CYP7B1: variants seen among roughly 807,000 people sequenced by gnomAD.
CYP7B1 encodes cytochrome P450 family 7 subfamily B member 1.
In CYP7B1, 29 loss-of-function variants were observed where a neutral mutation model predicts 42.7. That is an observed-to-expected ratio of 0.68 (90% confidence interval 0.51 to 0.93). The LOEUF (loss-of-function observed/expected upper bound fraction) is 0.93, where lower values mean the gene tolerates loss of function less well. Among genes scored for constraint, CYP7B1 ranks in the 40% least tolerant of loss-of-function variants. The probability of loss-of-function intolerance (pLI) is 0.00; values close to 1 mark genes in which losing one functional copy is unlikely to be tolerated. For synonymous variants in CYP7B1, 235 were observed against 218.2 expected (o/e 1.08, Z -0.68); for missense variants, 655 against 600.5 (o/e 1.09, Z -0.95).
intron 1 of CYP7B1, among the ~76,000 whole-genome samples, chr8:64,728,455 C>T (rs1315367697): frequency 1.3e-5 from 2 of 152,202 alleles, no homozygotes. Flanking sequence ...GATCCTTCCC[C>T]ACACTGTTAG....
intron 5 of CYP7B1, among the ~76,000 whole-genome samples, chr8:64,602,874 A>G (rs1187543917): frequency 6.6e-6 from 1 of 152,228 alleles, no homozygotes; most frequent in African/African-American, 2.4e-5. Context: ...TCACTCAGAA[A>G]ATGTTTATAC....
chr8:64,639,315 T>A (rs976768732), intron 1 of CYP7B1, among the ~76,000 whole-genome samples: 1 of 152,114 alleles, frequency 6.6e-6, no homozygotes, highest in Non-Finnish European at 1.5e-5. Context: ...AGCATTGGTA[T>A]GAAAGAATTA....
intron 1 of CYP7B1, among the ~76,000 whole-genome samples, chr8:64,686,937 C>T (rs1156371280): frequency 1.7e-5 from 2 of 119,528 alleles, no homozygotes; most frequent in East Asian, 2.2e-4. Flanking sequence ...GCAGCATGCT[C>T]GTTAAGAGTC....
intron 1 of CYP7B1, among the ~76,000 whole-genome samples, chr8:64,654,004 A>G (rs1806080755): frequency 6.6e-6 from 1 of 152,206 alleles, no homozygotes; most frequent in Non-Finnish European, 1.5e-5. Flanking sequence ...ATAAATAGAT[A>G]TTGTAGAAAC....
chr8:64,720,227 A>T (rs1807216839), intron 1 of CYP7B1, among the ~76,000 whole-genome samples: 1 of 152,220 alleles, frequency 6.6e-6, no homozygotes, highest in African/African-American at 2.4e-5. Context: ...GCAAAGCTGA[A>T]TTAAAAAAAG....
chr8:64,759,621 T>C (rs1345013470), intron 1 of CYP7B1, among the ~76,000 whole-genome samples: 1 of 152,186 alleles, frequency 6.6e-6, no homozygotes, highest in Non-Finnish European at 1.5e-5. Flanking sequence ...TATGAACTGT[T>C]AGACTTTTAT....
intron 1 of CYP7B1, among the ~76,000 whole-genome samples, chr8:64,647,301 G>T (rs758780336): frequency 1.3e-4 from 20 of 151,954 alleles, no homozygotes; most frequent in African/African-American, 1.7e-4. Flanking sequence ...ACTGAAAAAG[G>T]TATAATAATA....
At chr8:64,715,271 G>A (rs1807137485) in intron 1 of CYP7B1, among the ~76,000 whole-genome samples, 2 of 152,308 alleles carry the variant, frequency 1.3e-5, no homozygotes, top group African/African-American at 2.4e-5. Context: ...AATATATTAT[G>A]AGACTGTAAA....
chr8:64,597,951 A>C (rs1805142954), intron 5 of CYP7B1, among the ~76,000 whole-genome samples: 1 of 152,250 alleles, frequency 6.6e-6, no homozygotes, highest in African/African-American at 2.4e-5. Context: ...GTTAAGGTGA[A>C]AACCTTGCAA....
intron 1 of CYP7B1, among the ~76,000 whole-genome samples, chr8:64,669,303 C>T (rs1048075841): frequency 1.3e-5 from 2 of 151,646 alleles, no homozygotes; most frequent in African/African-American, 4.8e-5. Context: ...CTAAGTCATA[C>T]TGTTGAGTGA....
chr8:64,587,562 C>T (rs1464540787), downstream of CYP7B1, among the ~76,000 whole-genome samples: 1 of 152,222 alleles, frequency 6.6e-6, no homozygotes, highest in African/African-American at 2.4e-5. Flanking sequence ...CGGTTTTAAA[C>T]CCCAAAGAGC....
chr8:64,593,526 C>T lies in CYP7B1; in HGVS notation c.*3116G>A, dbSNP rs1291409477. On this transcript the variant is annotated 3_prime_UTR_variant, in exon 6 of 6. Coordinates refer to ENST00000310193, the MANE Select transcript of CYP7B1 (RefSeq NM_004820.5). ...AAACCACAATACCTATGTAGCGTTCCCTCCCCACTCCCAGATAATCAAGCT... is the reference window on the plus strand; with the variant it reads ...AAACCACAATACCTATGTAGCGTTCTCTCCCCACTCCCAGATAATCAAGCT... 6.6e-6 allele frequency among the ~76,000 whole-genome samples: 1 copy of T among 152,056 alleles called. No homozygotes were observed. Among genetic ancestry groups the T allele is most frequent in the Non-Finnish European group, 1.5e-5 (1 of 68,022 alleles).
intron 1 of CYP7B1, among the ~76,000 whole-genome samples, chr8:64,732,342 C>T (rs1807425016): frequency 6.6e-6 from 1 of 152,106 alleles, no homozygotes; most frequent in South Asian, 2.1e-4. Flanking sequence ...CATTTTGGAA[C>T]TTTAAGGTTT....
At chr8:64,725,735 T>G (rs1807313479) in intron 1 of CYP7B1, among the ~76,000 whole-genome samples, 1 of 152,218 alleles carries the variant, frequency 6.6e-6, no homozygotes, top group African/African-American at 2.4e-5. Context: ...CTTAGATATC[T>G]TTTGGTGATG....
At chr8:64,620,248 G>T (rs1257167199) in intron 2 of CYP7B1, among the ~76,000 whole-genome samples, 1 of 152,158 alleles carries the variant, frequency 6.6e-6, no homozygotes, top group African/African-American at 2.4e-5. Flanking sequence ...TTTCATCTCT[G>T]TGTTTAGGTT....
downstream of CYP7B1, among the ~76,000 whole-genome samples, chr8:64,590,248 C>T (rs1049075965): frequency 2.0e-5 from 3 of 152,128 alleles, no homozygotes; most frequent in East Asian, 5.8e-4. Context: ...CAGGCCAGTC[C>T]CTGTAAAATG....
At chr8:64,686,416 C>T (rs1221269861) in intron 1 of CYP7B1, among the ~76,000 whole-genome samples, 2 of 36,704 alleles carry the variant, frequency 5.4e-5, no homozygotes, top group Non-Finnish European at 5.9e-5. Flanking sequence ...GGGGGGTCAG[C>T]CCCCCGCCTG....
intron 5 of CYP7B1, among the ~76,000 whole-genome samples, chr8:64,598,471 A>T (rs1805150859): frequency 6.6e-6 from 1 of 152,144 alleles, no homozygotes; most frequent in Non-Finnish European, 1.5e-5. Context: ...ACCTAACCCA[A>T]ATCAGTCTAA....
At chr8:64,645,895 A>T (rs541846516) in intron 1 of CYP7B1, among the ~76,000 whole-genome samples, 2 of 152,192 alleles carry the variant, frequency 1.3e-5, no homozygotes, top group African/African-American at 4.8e-5. Flanking sequence ...ATAACGCTGC[A>T]TATCTACAAC....
Sources: gnomAD v4.1 joint callset for allele counts (sites outside exome capture counted in the v4.1 genomes callset) on GRCh38, gnomAD v4.1.1 for gene constraint, MANE v1.5 for transcripts, NCBI Gene and HGNC (gene_info 2026-07-23, HGNC 2026-07-21) for gene names.